The following MACROD2 variants were observed in gnomAD, a reference collection of about 807,000 sequenced individuals.
The protein encoded by MACROD2 is ADP-ribose glycohydrolase MACROD2.
MACROD2 carries 36 observed loss-of-function variants against 70.4 expected under a neutral mutation model. That is an observed-to-expected ratio of 0.51 (90% confidence interval 0.39 to 0.68). MACROD2 has a LOEUF of 0.68. MACROD2 is among the 30% of genes least tolerant of loss of function. The pLI, the probability that MACROD2 is intolerant of heterozygous loss-of-function variation, is 0.00. For synonymous variants in MACROD2, 172 were observed against 178.8 expected (o/e 0.96, Z 0.30); for missense variants, 496 against 538.4 (o/e 0.92, Z 0.78).
chr20:14,082,160 T>A lies in MACROD2; in HGVS notation c.164-3461T>A, dbSNP rs35553587. Among the ~76,000 whole-genome samples, 3 of 145,242 alleles carry A rather than the reference T, an allele frequency of 2.1e-5. No homozygotes were observed. The Admixed American group carries it at 2.2e-4, about 11-fold the overall frequency. ...TGGTTTAAACTTCAATGTTTTCCCA[T>A]ACCTTTCTTTTTTTTTCTTTTTTTT... is the stretch of plus-strand genomic sequence containing the variant. On this transcript the variant is annotated intron_variant, in intron 2 of 17. Transcript: ENST00000684519.
chr20:14,520,022 A>G (rs960353267), intron 4 of MACROD2, among the ~76,000 whole-genome samples: 2 of 152,174 alleles, frequency 1.3e-5, no homozygotes, highest in Non-Finnish European at 2.9e-5. Flanking sequence ...ATGAGAAAAC[A>G]TGGACACAAA....
chr20:14,002,681 G>A (rs904196782), intron 2 of MACROD2, among the ~76,000 whole-genome samples: 2 of 151,958 alleles, frequency 1.3e-5, no homozygotes, highest in African/African-American at 4.8e-5. Flanking sequence ...AGTTCTTGGA[G>A]CAAATGCTAT....
intron 5 of MACROD2, among the ~76,000 whole-genome samples, chr20:14,911,922 G>A (rs1412660031): frequency 6.6e-6 from 1 of 152,046 alleles, no homozygotes; most frequent in Non-Finnish European, 1.5e-5. Context: ...TGACAGCACT[G>A]GGATTCAGAT....
intron 4 of MACROD2, among the ~76,000 whole-genome samples, chr20:14,542,248 G>A (rs1535213): frequency 0.83 from 126,996 of 152,250 alleles, 53,151 homozygotes; most frequent in African/African-American, 0.89. Flanking sequence ...GTTTGGTGTG[G>A]TATCCCTGCT....
intron 6 of MACROD2, among the ~76,000 whole-genome samples, chr20:15,302,596 C>T (rs1043934561): frequency 6.6e-6 from 1 of 152,202 alleles, no homozygotes; most frequent in African/African-American, 2.4e-5. Context: ...TTGCTTCAGA[C>T]ATTTTCTACT....
chr20:15,847,993 C>G (rs914727035), intron 8 of MACROD2, among the ~76,000 whole-genome samples: 5 of 152,120 alleles, frequency 3.3e-5, no homozygotes, highest in African/African-American at 1.2e-4. Flanking sequence ...AACCAACATA[C>G]CTCAGAGTAT....
chr20:14,470,637 T>A (rs749984626), intron 3 of MACROD2, among the ~76,000 whole-genome samples: 1 of 152,092 alleles, frequency 6.6e-6, no homozygotes, highest in African/African-American at 2.4e-5. Context: ...TGGAGGAATC[T>A]AGAGAGGCAG....
intron 4 of MACROD2, among the ~76,000 whole-genome samples, chr20:14,639,493 T>C (rs1031263613): frequency 9.9e-5 from 15 of 152,174 alleles, no homozygotes; most frequent in Admixed American, 7.9e-4. Context: ...AATCACCCCA[T>C]AATCTCCATC....
intron 5 of MACROD2, among the ~76,000 whole-genome samples, chr20:14,975,814 A>G (rs2074734269): frequency 6.6e-6 from 1 of 152,178 alleles, no homozygotes; most frequent in African/African-American, 2.4e-5. Flanking sequence ...CCTGAGCTGA[A>G]GCGGAGTGAG....
chr20:15,628,693 A>G (rs569198826), intron 8 of MACROD2, among the ~76,000 whole-genome samples: 22 of 152,356 alleles, frequency 1.4e-4, no homozygotes, highest in African/African-American at 5.1e-4. Flanking sequence ...CAGATGGGCT[A>G]GTCTAGAAGG....
chr20:15,426,632 G>A (rs969456658), intron 6 of MACROD2, among the ~76,000 whole-genome samples: 1 of 144,090 alleles, frequency 6.9e-6, no homozygotes, highest in African/African-American at 2.6e-5. Flanking sequence ...TTTTGTTTTT[G>A]TCTCCCTAGA....
At chr20:14,238,355 C>T (rs1488502647) in intron 3 of MACROD2, among the ~76,000 whole-genome samples, 1 of 152,114 alleles carries the variant, frequency 6.6e-6, no homozygotes, top group Non-Finnish European at 1.5e-5. Flanking sequence ...TGAAATTCAA[C>T]ATCCATTCAG....
chr20:15,886,512 G>A (rs780680795), intron 10 of MACROD2, among the ~76,000 whole-genome samples: 3 of 152,120 alleles, frequency 2.0e-5, no homozygotes, highest in Non-Finnish European at 4.4e-5. Context: ...GTTCTATAGA[G>A]CGTGTAAGAC....
intron 5 of MACROD2, among the ~76,000 whole-genome samples, chr20:15,070,455 A>T (rs896880783): frequency 2.6e-5 from 4 of 152,076 alleles, no homozygotes; most frequent in African/African-American, 9.7e-5. Context: ...TATGGCCTGG[A>T]TATCTGTCCT....
At chr20:14,212,314 G>C (rs2081577675) in intron 3 of MACROD2, among the ~76,000 whole-genome samples, 4 of 152,226 alleles carry the variant, frequency 2.6e-5, no homozygotes, top group Admixed American at 2.6e-4. Context: ...CCTAAAGTGA[G>C]TATAGTATAT....
intron 8 of MACROD2, among the ~76,000 whole-genome samples, chr20:15,532,511 G>A (rs928536341): frequency 6.6e-6 from 1 of 151,990 alleles, no homozygotes; most frequent in East Asian, 1.9e-4. Flanking sequence ...CGTCACTGAG[G>A]AAGAGAGAAA....
intron 5 of MACROD2, among the ~76,000 whole-genome samples, chr20:14,773,590 A>C (rs1385758279): frequency 6.6e-6 from 1 of 151,890 alleles, no homozygotes; most frequent in Non-Finnish European, 1.5e-5. Context: ...TCTATTATGT[A>C]TACATATATA....
Position 15,519,122 on chromosome 20 carries a change from T to C in MACROD2, c.645+19275T>C, listed in dbSNP as rs13041936. Among the ~76,000 whole-genome samples, 552 of 110,528 alleles carry C rather than the reference T, an allele frequency of 5.0e-3. 4 individuals are homozygous for C. The highest frequency in any genetic ancestry group is 0.02 in the East Asian group (65 of 3,300). The allele number at this position is 110,528 out of a possible 152,430, so 72.5% of individuals were successfully genotyped here. A position where few individuals can be genotyped will look rare whatever the true frequency, so the allele number is the denominator to read the frequency against. ...TCCTTCCTTCCTTCCTTCCTTCCTT[T>C]CTTTCTTTCTTTTTCTCTTGCTCTG... is the stretch of plus-strand genomic sequence containing the variant. On this transcript the variant is annotated intron_variant, in intron 8 of 17. Transcript: ENST00000684519.
At chr20:15,078,506 T>C (rs1055435985) in intron 5 of MACROD2, among the ~76,000 whole-genome samples, 2 of 152,180 alleles carry the variant, frequency 1.3e-5, no homozygotes, top group Non-Finnish European at 2.9e-5. Flanking sequence ...TTCAATTTTA[T>C]TTTTTACTCT....
Sources: gnomAD v4.1 joint callset for allele counts (sites outside exome capture counted in the v4.1 genomes callset) on GRCh38, gnomAD v4.1.1 for gene constraint, MANE v1.5 for transcripts, NCBI Gene and HGNC (gene_info 2026-07-23, HGNC 2026-07-21) for gene names.